The following LEF1 variants were observed in gnomAD, a reference collection of about 807,000 sequenced individuals.
LEF1 encodes the protein lymphoid enhancer-binding factor 1.
A neutral mutation model predicts 51.2 loss-of-function variants in LEF1; 14 were observed. That is an observed-to-expected ratio of 0.27 (90% confidence interval 0.18 to 0.43). The LOEUF (loss-of-function observed/expected upper bound fraction) is 0.43. Ranked by LOEUF, LEF1 falls within the 20% of genes least tolerant of loss-of-function variation. The pLI, the probability that LEF1 is intolerant of heterozygous loss-of-function variation, is 1.00. For missense variants in LEF1, 386 were observed against 512.0 expected, an observed-to-expected ratio of 0.75 and a Z score of 2.37; for synonymous variants, 185 against 183.2, an observed-to-expected ratio of 1.01 and a Z score of -0.08.
intron 3 of LEF1, among the ~76,000 whole-genome samples, chr4:108,123,202 C>T (rs1160625988): frequency 6.6e-6 from 1 of 152,148 alleles, no homozygotes; most frequent in African/African-American, 2.4e-5. Flanking sequence ...TGAGGAAATT[C>T]TCAGCTTGGG....
chr4:108,070,902 A>G, intron 8 of LEF1, 132 bp from the exon 9 acceptor site: 1 of 649,530 alleles, frequency 1.5e-6, no homozygotes, highest in Non-Finnish European at 2.6e-6. Context: ...GCAGAAGACC[A>G]AGTGCCAAGT....
At chr4:108,117,290 G>A (rs1033931924) in intron 3 of LEF1, among the ~76,000 whole-genome samples, 10 of 151,380 alleles carry the variant, frequency 6.6e-5, no homozygotes, top group Non-Finnish European at 1.2e-4. Context: ...TAATTTACTC[G>A]ACATGTTGTA....
chr4:108,146,918 T>C (rs1434599640), intron 3 of LEF1, among the ~76,000 whole-genome samples: 1 of 152,212 alleles, frequency 6.6e-6, no homozygotes, highest in African/African-American at 2.4e-5. Context: ...ACGGGAAGCA[T>C]ACTGACACAA....
At chr4:108,061,741 C>T (rs1388776367) in intron 11 of LEF1, among the ~76,000 whole-genome samples, 2 of 152,084 alleles carry the variant, frequency 1.3e-5, no homozygotes, top group African/African-American at 4.8e-5. Context: ...ATGCTTACAT[C>T]CTATCTGTGC....
chr4:108,163,645 C>A lies in LEF1; in HGVS notation c.337G>T (p.Gly113Trp). 6.2e-7 allele frequency: 1 copy of A among 1,613,776 alleles called. No homozygotes were observed. The highest frequency in any genetic ancestry group is 8.5e-7 in the Non-Finnish European group (1 of 1,179,744). Residue 113 changes from glycine (G) to tryptophan (W), a missense_variant, in exon 3 of 12, where the codon GGG becomes TGG. Transcript: ENST00000265165. ...NKGPSYSSYS[G>W]YIMMPNMNND... ...TTCATATTTGGCATCATTATGTACC[C>A]GGAATAACTCGAGTAGGAGGGTCCC...
At chr4:108,058,763 TC>T (rs1737472735) in intron 11 of LEF1, among the ~76,000 whole-genome samples, 2 of 152,224 alleles carry the variant, frequency 1.3e-5, no homozygotes. Flanking sequence ...TTGAAGCTCC[TC>T]CAGGAAGGGA....
chr4:108,116,085 A>G (rs1741821932), intron 3 of LEF1, among the ~76,000 whole-genome samples: 2 of 152,212 alleles, frequency 1.3e-5, no homozygotes. Context: ...CGCCCAGGCA[A>G]GATTTTGACT....
chr4:108,069,652 A>G (rs903412975), intron 9 of LEF1, among the ~76,000 whole-genome samples: 3 of 152,186 alleles, frequency 2.0e-5, no homozygotes, highest in African/African-American at 7.2e-5. Flanking sequence ...GCAATGTGAC[A>G]ATATGTATGA....
At chr4:108,145,767 T>C (rs1362733148) in intron 3 of LEF1, among the ~76,000 whole-genome samples, 1 of 152,218 alleles carries the variant, frequency 6.6e-6, no homozygotes, top group Non-Finnish European at 1.5e-5. Context: ...TCTATTCTTA[T>C]GAAATGTCTC....
At chr4:108,133,882 G>C (rs1743061635) in intron 3 of LEF1, among the ~76,000 whole-genome samples, 1 of 152,070 alleles carries the variant, frequency 6.6e-6, no homozygotes, top group South Asian at 2.1e-4. Flanking sequence ...CCTTAAACTT[G>C]GTTCTATTTG....
intron 3 of LEF1, among the ~76,000 whole-genome samples, chr4:108,128,140 TG>T (rs1359529223): frequency 6.6e-6 from 1 of 152,188 alleles, no homozygotes; most frequent in Non-Finnish European, 1.5e-5. Context: ...CAGGAGAGAA[TG>T]GCAGAGTCTC....
chr4:108,102,058 G>A lies in LEF1; in HGVS notation c.415-12801C>T, dbSNP rs566676907. Among the ~76,000 whole-genome samples the A allele has an allele frequency of 3.6e-3, 522 of 146,764 alleles. 2 individuals are homozygous for A. The highest frequency in any genetic ancestry group is 0.013 in the African/African-American group (492 of 38,612). On this transcript the variant is annotated intron_variant, in intron 3 of 11. Transcript: ENST00000265165. ...AGCCTGGGCAACAAGAGTGAAACCCGGTCTCAAAAAAAAAAAAAAAAGAAA... is the reference window on the plus strand; with the variant it reads ...AGCCTGGGCAACAAGAGTGAAACCCAGTCTCAAAAAAAAAAAAAAAAGAAA...
chr4:108,162,992 A>T (rs1027044079), intron 3 of LEF1, among the ~76,000 whole-genome samples: 1 of 152,242 alleles, frequency 6.6e-6, no homozygotes, highest in East Asian at 1.9e-4. Context: ...CAAGATTAAA[A>T]AAAAAAGGAA....
chr4:108,132,457 C>A (rs1022120273), intron 3 of LEF1, among the ~76,000 whole-genome samples: 1 of 151,954 alleles, frequency 6.6e-6, no homozygotes, highest in Admixed American at 6.6e-5. Context: ...TGGCAGATAA[C>A]CTAGATCTCA....
intron 3 of LEF1, among the ~76,000 whole-genome samples, chr4:108,132,782 G>A (rs1051088953): frequency 7.4e-6 from 1 of 134,710 alleles, no homozygotes; most frequent in Non-Finnish European, 1.5e-5. Flanking sequence ...CATCCTCCCC[G>A]CTCAGCCTCC....
intron 3 of LEF1, among the ~76,000 whole-genome samples, chr4:108,145,363 G>C (rs1743934796): frequency 1.3e-5 from 2 of 152,186 alleles, no homozygotes; most frequent in South Asian, 2.1e-4. Flanking sequence ...GACAAGACTT[G>C]TCAAGAAGCT....
At chr4:108,129,201 A>C (rs2110347639) in intron 3 of LEF1, among the ~76,000 whole-genome samples, 1 of 152,284 alleles carries the variant, frequency 6.6e-6, no homozygotes, top group African/African-American at 2.4e-5. Context: ...GTCACTTCAA[A>C]GTCCTTCTGA....
At chr4:108,154,418 C>A (rs1483229405) in intron 3 of LEF1, among the ~76,000 whole-genome samples, 2 of 107,900 alleles carry the variant, frequency 1.9e-5, no homozygotes, top group Non-Finnish European at 3.4e-5. Flanking sequence ...AGGTGCCTCG[C>A]ACAGTATGTA....
intron 3 of LEF1, among the ~76,000 whole-genome samples, chr4:108,141,175 T>C (rs1362268776): frequency 1.3e-5 from 2 of 152,216 alleles, no homozygotes; most frequent in Admixed American, 1.3e-4. Flanking sequence ...CTCAAATTAT[T>C]AGGATTATTT....
Sources: gnomAD v4.1 joint callset for allele counts (sites outside exome capture counted in the v4.1 genomes callset) on GRCh38, gnomAD v4.1.1 for gene constraint, MANE v1.5 for transcripts, NCBI Gene and HGNC (gene_info 2026-07-23, HGNC 2026-07-21) for gene names.